The following STRN variants were observed in gnomAD, a reference collection of about 807,000 sequenced individuals.
STRN encodes the protein protein phosphatase 2 regulatory subunit B'''alpha.
In STRN, 53 loss-of-function variants were observed where a neutral mutation model predicts 96.3. The ratio of observed to expected loss-of-function variants is 0.55; its 90% CI spans 0.44 to 0.69. The LOEUF is 0.69. Ranked by LOEUF, STRN falls within the 30% of genes least tolerant of loss-of-function variation. The pLI is 0.00. For synonymous variants in STRN, 428 were observed against 355.9 expected (o/e 1.20, Z -2.28); for missense variants, 987 against 963.9 (o/e 1.02, Z -0.32).
At position 36,861,137 on chromosome 2, in the gene STRN, G is replaced by A. The variant is rs141664028; in HGVS notation, c.1664C>T (p.Ser555Phe). Residue 555 changes from serine to phenylalanine, a missense_variant, in exon 13 of 18, where the codon TCT becomes TTT. Transcript: ENST00000263918. Reference protein sequence around the residue: ...TTNPNIDPYDSYDPSVLRGPL... With the variant: ...TTNPNIDPYDFYDPSVLRGPL... ...ATCTTTGGGAAATCACCTACCATAA[G>A]AATCATAGGGGTCGATGTTGGGATT... 3.7e-6 allele frequency: 6 copies of A among 1,613,304 alleles called. No homozygotes were observed. The East Asian group carries it at 6.7e-5, about 18-fold the overall frequency.
At chr2:36,867,636 AT>A (rs1398548945) in intron 12 of STRN, 177 bp downstream of exon 12, 12 of 402,102 alleles carry the variant, frequency 3.0e-5, no homozygotes, top group Non-Finnish European at 4.4e-5. Flanking sequence ...TTAAGCACAA[AT>A]CCCTACTTGG....
Position 36,837,768 on chromosome 2 carries a change from G to C in STRN, c.*11688C>G, listed in dbSNP as rs1465346063. ...TGTGGTCAACAGACAACTTACAAGA[G>C]TTGGAAAAAAATGTTTGCATCCAAG... On this transcript the variant is annotated 3_prime_UTR_variant, in exon 18 of 18. Coordinates refer to ENST00000263918, the MANE Select transcript of STRN (RefSeq NM_003162.4). Among the ~76,000 whole-genome samples, 1 of 152,074 alleles carries C rather than the reference G, an allele frequency of 6.6e-6. No individual in the cohort carries two copies. The highest frequency in any genetic ancestry group is 1.5e-5 in the Non-Finnish European group (1 of 68,014).
chr2:36,957,505 T>C (rs1664918177), intron 1 of STRN, among the ~76,000 whole-genome samples: 1 of 151,954 alleles, frequency 6.6e-6, no homozygotes, highest in Non-Finnish European at 1.5e-5. Flanking sequence ...CAAGAATCGC[T>C]GGAACCTGGA....
Position 36,962,327 on chromosome 2 carries a change from G to A in STRN, c.234+3903C>T, listed in dbSNP as rs1456648078. Among the ~76,000 whole-genome samples, 5 of 151,938 alleles carry A rather than the reference G, an allele frequency of 3.3e-5. No homozygotes were observed. The South Asian group carries it at 8.3e-4, about 25-fold the overall frequency. The stretch of plus-strand genomic sequence containing the variant: ...TTTTCATACAACTCTAACACTTACA[G>A]GTAAATATCAGGGCCTCTCCTACAC... On this transcript the variant is annotated intron_variant, in intron 1 of 17. Coordinates refer to ENST00000263918, the MANE Select transcript of STRN (RefSeq NM_003162.4).
intron 7 of STRN, among the ~76,000 whole-genome samples, chr2:36,893,648 T>C (rs1300861751): frequency 6.6e-6 from 1 of 152,202 alleles, no homozygotes; most frequent in Non-Finnish European, 1.5e-5. Flanking sequence ...AAACAGAGAA[T>C]ATTCTGTATA....
intron 1 of STRN, among the ~76,000 whole-genome samples, chr2:36,929,647 C>G (rs1393350172): frequency 1.3e-5 from 2 of 151,978 alleles, no homozygotes; most frequent in African/African-American, 4.8e-5. Flanking sequence ...CCTCCCTAAG[C>G]GCTGGGATTA....
At chr2:36,875,558 G>T (rs1199048314) in intron 10 of STRN, among the ~76,000 whole-genome samples, 3 of 24,612 alleles carry the variant, frequency 1.2e-4, no homozygotes, top group Non-Finnish European at 1.6e-4. Context: ...AAAGACAAAG[G>T]TTATCAAAAA....
At chr2:36,868,913 G>A (rs1668696137) in intron 11 of STRN, among the ~76,000 whole-genome samples, 1 of 150,024 alleles carries the variant, frequency 6.7e-6, no homozygotes, top group Non-Finnish European at 1.5e-5. Flanking sequence ...AAGGAGTGGA[G>A]CTCCGATAAG....
At chr2:36,953,923 G>C (rs1341313389) in intron 1 of STRN, among the ~76,000 whole-genome samples, 1 of 152,084 alleles carries the variant, frequency 6.6e-6, no homozygotes, top group African/African-American at 2.4e-5. Flanking sequence ...CTGAGCCCAG[G>C]AGTGTGAGGC....
At chr2:36,873,035 C>CA (rs1355671949) in intron 10 of STRN, among the ~76,000 whole-genome samples, 5 of 141,354 alleles carry the variant, frequency 3.5e-5, no homozygotes, top group Admixed American at 1.5e-4. Context: ...CATGGGGATA[C>CA]AAACTGATGA....
intron 11 of STRN, among the ~76,000 whole-genome samples, chr2:36,868,721 G>A (rs561037889): frequency 6.6e-6 from 1 of 152,262 alleles, no homozygotes; most frequent in South Asian, 2.1e-4. Flanking sequence ...GACACAGCAT[G>A]AATGACACTG....
chr2:36,922,475 T>G (rs536402918), intron 2 of STRN, among the ~76,000 whole-genome samples: 3 of 143,426 alleles, frequency 2.1e-5, no homozygotes, highest in Non-Finnish European at 3.0e-5. Context: ...ATCATGACTG[T>G]GCCACTGCAC....
chr2:36,905,274 C>T (rs898835764), intron 4 of STRN, among the ~76,000 whole-genome samples: 11 of 151,870 alleles, frequency 7.2e-5, no homozygotes, highest in Non-Finnish European at 1.6e-4. Flanking sequence ...TGGCCAATTG[C>T]ACATATATTA....
At chr2:36,894,124 C>G in intron 6 of STRN, 91 bp from the exon 7 acceptor site, 1 of 1,443,360 alleles carries the variant, frequency 6.9e-7, no homozygotes, top group East Asian at 2.3e-5. Flanking sequence ...AGAAAGTATA[C>G]GTTTGTTGTG....
intron 14 of STRN, among the ~76,000 whole-genome samples, chr2:36,856,000 T>TAACA (rs1473055566): frequency 6.6e-6 from 1 of 152,106 alleles, no homozygotes; most frequent in African/African-American, 2.4e-5. Flanking sequence ...TACAGCAAGG[T>TAACA]AACAGTTCAA....
intron 4 of STRN, among the ~76,000 whole-genome samples, chr2:36,904,428 C>CG (rs1372212510): frequency 4.6e-5 from 7 of 152,156 alleles, no homozygotes; most frequent in Admixed American, 4.6e-4. Context: ...AGGTGGTATT[C>CG]AAGAACCAGG....
At chr2:36,962,452 T>C (rs1320729325) in intron 1 of STRN, among the ~76,000 whole-genome samples, 1 of 152,178 alleles carries the variant, frequency 6.6e-6, no homozygotes, top group East Asian at 1.9e-4. Flanking sequence ...TACTGAGCCT[T>C]AGGTTCTCAT....
chr2:36,965,796 G>A (rs901676421), intron 1 of STRN, among the ~76,000 whole-genome samples: 1 of 152,238 alleles, frequency 6.6e-6, no homozygotes, highest in African/African-American at 2.4e-5. Flanking sequence ...CTTCCTTGAA[G>A]AGAGGGGCCA....
chr2:36,882,743 T>C (rs1444890614), intron 9 of STRN, among the ~76,000 whole-genome samples: 1 of 152,130 alleles, frequency 6.6e-6, no homozygotes, highest in Non-Finnish European at 1.5e-5. Flanking sequence ...CACTCTAATC[T>C]GAGTGACAGA....
Sources: allele counts gnomAD v4.1 joint callset (sites outside exome capture counted in the v4.1 genomes callset), GRCh38; gene constraint gnomAD v4.1.1; transcripts MANE v1.5; gene names NCBI Gene and HGNC (gene_info 2026-07-23, HGNC 2026-07-21).